The following SLCO3A1 variants were observed in gnomAD, a reference collection of about 807,000 sequenced individuals.
SLCO3A1 encodes solute carrier organic anion transporter family member 3A1, also known as PGE1 transporter.
SLCO3A1 carries 27 observed loss-of-function variants against 63.1 expected under a neutral mutation model. That is an observed-to-expected ratio of 0.43 (90% CI 0.32 to 0.59). The LOEUF is 0.59. Ranked by LOEUF, SLCO3A1 falls within the 20% of genes least tolerant of loss-of-function variation. SLCO3A1 has a pLI of 0.09. For missense variants in SLCO3A1, 773 were observed against 945.8 expected (o/e 0.82, Z 2.40); for synonymous variants, 473 against 409.9 (o/e 1.15, Z -1.86).
In SLCO3A1 at chr15:92,162,170, T is replaced by G. The variant is rs1461532380; in HGVS notation, c.1754-586T>G. Reference sequence around the variant, plus strand: ...TTTTTTTTTTTTTTGAGATGGAGTCTTGCTTTGTTGCCCAGGCTGAAGTGC... The same window carrying G: ...TTTTTTTTTTTTTTGAGATGGAGTCGTGCTTTGTTGCCCAGGCTGAAGTGC... On this transcript the variant is annotated intron_variant, in intron 9 of 9. Coordinates refer to ENST00000318445, the MANE Select transcript of SLCO3A1 (RefSeq NM_013272.4). 4.7e-5 allele frequency: 7 copies of G among 147,586 alleles called. No homozygotes were observed. In the East Asian group the frequency reaches 1.5e-3, roughly 31 times the overall value. The allele number at this position is 147,586 out of a possible 1,614,324, so 9.1% of individuals were successfully genotyped here.
At chr15:91,998,848 ATT>A (rs2046221318) in intron 2 of SLCO3A1, among the ~76,000 whole-genome samples, 1 of 152,250 alleles carries the variant, frequency 6.6e-6, no homozygotes, top group Non-Finnish European at 1.5e-5. Context: ...GTGTATATTC[ATT>A]GTAGCACGAT....
intron 1 of SLCO3A1, among the ~76,000 whole-genome samples, chr15:91,904,080 G>A (rs894381444): frequency 1.1e-4 from 16 of 139,288 alleles, no homozygotes; most frequent in Non-Finnish European, 2.2e-4. Flanking sequence ...GCTTTTCCTG[G>A]GTGGAGGTGA....
At chr15:91,988,554 A>G (rs2046084847) in intron 2 of SLCO3A1, among the ~76,000 whole-genome samples, 1 of 152,174 alleles carries the variant, frequency 6.6e-6, no homozygotes, top group African/African-American at 2.4e-5. Context: ...GTGCAGATCA[A>G]TTAGTAAAAT....
intron 2 of SLCO3A1, among the ~76,000 whole-genome samples, chr15:91,943,792 G>A (rs988577497): frequency 1.3e-5 from 2 of 152,170 alleles, no homozygotes; most frequent in Non-Finnish European, 2.9e-5. Flanking sequence ...CTCCATCTGT[G>A]CTAGGTCATG....
rs1232474421 is a variant in SLCO3A1, at chr15:92,033,046, A to G, written c.647-61835A>G. Among the ~76,000 whole-genome samples, 1 of 152,156 alleles carries G rather than the reference A, an allele frequency of 6.6e-6. No individual in the cohort carries two copies. The highest frequency in any genetic ancestry group is 1.5e-5 in the Non-Finnish European group (1 of 68,032). On this transcript the variant is annotated intron_variant, in intron 2 of 9. Transcript: ENST00000318445. The surrounding 1 kb of genome is among the most constrained non-coding windows in gnomAD (Gnocchi z 4.5). ...TGTGGGATGTGGGTTTAGCACTTAG[A>G]GCATGGATCAGAGCAAGGTATGTAC...
intron 2 of SLCO3A1, among the ~76,000 whole-genome samples, chr15:91,936,738 G>A (rs895933976): frequency 3.9e-5 from 6 of 152,174 alleles, no homozygotes; most frequent in African/African-American, 1.4e-4. Flanking sequence ...GTCCTGAGAG[G>A]TGGCCAAGGG....
intron 8 of SLCO3A1, chr15:92,149,766 C>G (rs1242505896): frequency 6.6e-6 from 1 of 152,148 alleles, no homozygotes; most frequent in African/African-American, 2.4e-5. Flanking sequence ...TCACTTTGTT[C>G]CTAGTGACAT....
At chr15:91,884,147 C>G (rs1184351551) in intron 1 of SLCO3A1, among the ~76,000 whole-genome samples, 3 of 152,142 alleles carry the variant, frequency 2.0e-5, no homozygotes, top group African/African-American at 7.2e-5. Flanking sequence ...ATGAGGATTC[C>G]GAGGTCCTGA....
intron 1 of SLCO3A1, among the ~76,000 whole-genome samples, chr15:91,858,773 C>T (rs1286694959): frequency 6.6e-6 from 1 of 152,210 alleles, no homozygotes; most frequent in Non-Finnish European, 1.5e-5. Flanking sequence ...GGCAGCCCCA[C>T]CAACAGGGTC....
In SLCO3A1 at chr15:91,950,295, G is replaced by A. The variant is rs1899956058; in HGVS notation, c.646+33837G>A. On this transcript the variant is annotated intron_variant, in intron 2 of 9. Coordinates refer to ENST00000318445, the MANE Select transcript of SLCO3A1 (RefSeq NM_013272.4). The surrounding 1 kb of genome is among the most constrained non-coding windows in gnomAD (Gnocchi z 4.4). Reference sequence around the variant, plus strand: ...GAGGGGATTGCAGGGGGCTGGGGAAGCAGAGATCAGTCTGCAGTGGTGGGT... The same window carrying A: ...GAGGGGATTGCAGGGGGCTGGGGAAACAGAGATCAGTCTGCAGTGGTGGGT... Among the ~76,000 whole-genome samples the A allele has an allele frequency of 6.6e-6, 1 of 152,184 alleles. No individual in the cohort carries two copies. Among genetic ancestry groups the A allele is most frequent in the African/African-American group, 2.4e-5 (1 of 41,448 alleles).
At chr15:92,094,249 C>T (rs201133832) in intron 2 of SLCO3A1, among the ~76,000 whole-genome samples, 1 of 152,156 alleles carries the variant, frequency 6.6e-6, no homozygotes, top group African/African-American at 2.4e-5. Context: ...ACAGCTGTTA[C>T]AAGCAGCCAC....
At chr15:92,091,716 C>T (rs2047479649) in intron 2 of SLCO3A1, among the ~76,000 whole-genome samples, 2 of 152,274 alleles carry the variant, frequency 1.3e-5, no homozygotes, top group African/African-American at 2.4e-5. Flanking sequence ...TGACGAGGAG[C>T]GACATAGAAA....
intron 2 of SLCO3A1, among the ~76,000 whole-genome samples, chr15:92,005,581 GC>G (rs1172748590): frequency 5.3e-5 from 8 of 152,188 alleles, no homozygotes; most frequent in African/African-American, 1.7e-4. Context: ...ACCTGCCTGT[GC>G]TTTGCTGCTG....
chr15:91,979,352 C>A (rs373777522), intron 2 of SLCO3A1, among the ~76,000 whole-genome samples: 42 of 152,306 alleles, frequency 2.8e-4, no homozygotes, highest in African/African-American at 1.0e-3. Context: ...GTGCATGGAA[C>A]AAAGTGCTGA....
chr15:91,958,719 A>T (rs1331518362), intron 2 of SLCO3A1, among the ~76,000 whole-genome samples: 1 of 152,266 alleles, frequency 6.6e-6, no homozygotes, highest in African/African-American at 2.4e-5. Flanking sequence ...AATGATATAG[A>T]TACCACCTTA....
At chr15:92,018,558 G>A (rs914521146) in intron 2 of SLCO3A1, among the ~76,000 whole-genome samples, 4 of 152,194 alleles carry the variant, frequency 2.6e-5, no homozygotes, top group Admixed American at 2.6e-4. Flanking sequence ...TCAGAGCCAG[G>A]TTTCATTCAG....
intron 8 of SLCO3A1, among the ~76,000 whole-genome samples, chr15:92,149,989 T>A (rs1404926153): frequency 3.9e-5 from 6 of 152,156 alleles, no homozygotes; most frequent in Non-Finnish European, 8.8e-5. Context: ...GGGTGCTGAC[T>A]GTGTTTCTGT....
At chr15:91,908,449 T>C (rs1346987335) in intron 1 of SLCO3A1, 1 of 152,202 alleles carries the variant, frequency 6.6e-6, no homozygotes, top group Non-Finnish European at 1.5e-5. Context: ...TTTGCCACCA[T>C]AGCCATGACA....
chr15:92,071,193 G>T (rs1437659399), intron 2 of SLCO3A1, among the ~76,000 whole-genome samples: 1 of 152,174 alleles, frequency 6.6e-6, no homozygotes, highest in Admixed American at 6.5e-5. Flanking sequence ...CCTCCTGGGG[G>T]CACGTGACCT....
Sources: gnomAD v4.1 joint callset for allele counts (sites outside exome capture counted in the v4.1 genomes callset) on GRCh38, gnomAD v4.1.1 for gene constraint, Gnocchi (gnomAD v3.1) non-coding constraint, MANE v1.5 for transcripts, NCBI Gene and HGNC (gene_info 2026-07-23, HGNC 2026-07-21) for gene names.